MICU2: variants seen among roughly 807,000 people sequenced by gnomAD.
MICU2 encodes the protein mitochondrial calcium uptake 2.
In MICU2, 64 loss-of-function variants were observed where a neutral mutation model predicts 60.4. That is an observed-to-expected ratio of 1.06 (90% confidence interval 0.87 to 1.31). MICU2 has a LOEUF of 1.31. Ranked by LOEUF, MICU2 falls within the 50% of genes most tolerant of loss-of-function variation. The pLI is 0.00. For synonymous variants in MICU2, 201 were observed against 175.0 expected, an observed-to-expected ratio of 1.15 and a Z score of -1.17; for missense variants, 569 against 531.0, an observed-to-expected ratio of 1.07 and a Z score of -0.70.
intron 7 of MICU2, among the ~76,000 whole-genome samples, chr13:21,512,660 A>G (rs1291354284): frequency 6.6e-6 from 1 of 152,088 alleles, no homozygotes; most frequent in African/African-American, 2.4e-5. Flanking sequence ...CATGTTAGCC[A>G]GGATGGTCTC....
chr13:21,584,518 A>G (rs1225960405), intron 1 of MICU2, among the ~76,000 whole-genome samples: 3 of 152,178 alleles, frequency 2.0e-5, no homozygotes, highest in African/African-American at 4.8e-5. Context: ...AATGATATCC[A>G]TGTGGATAAA....
intron 4 of MICU2, among the ~76,000 whole-genome samples, chr13:21,537,938 C>T (rs910144216): frequency 6.6e-6 from 1 of 152,146 alleles, no homozygotes; most frequent in Non-Finnish European, 1.5e-5. Context: ...CTGATCCTTC[C>T]ACTCCTGTTC....
chr13:21,565,484 C>T lies in MICU2; in HGVS notation c.358+1313G>A, dbSNP rs569754892. ...CATCCTGGCAAACACAGTGAAACAC[C>T]GTCTCTATTAAAAAGTACAAAAAAT... On this transcript the variant is annotated intron_variant, in intron 2 of 11. Transcript: ENST00000382374. Among the ~76,000 whole-genome samples, 24 of 152,154 alleles carry T rather than the reference C, an allele frequency of 1.6e-4. 1 individual carries two copies. The East Asian group carries it at 4.1e-3, about 26-fold the overall frequency.
At chr13:21,521,765 C>A (rs1265998657) in intron 5 of MICU2, among the ~76,000 whole-genome samples, 1 of 152,176 alleles carries the variant, frequency 6.6e-6, no homozygotes. Context: ...TACAAAGAGT[C>A]CACAGAGTCC....
chr13:21,503,767 C>T (rs1593315087), intron 8 of MICU2, among the ~76,000 whole-genome samples: 1 of 152,136 alleles, frequency 6.6e-6, no homozygotes, highest in South Asian at 2.1e-4. Context: ...AACCCAGAAA[C>T]GTTGCACTTG....
chr13:21,501,292 T>G (rs1462982441), intron 9 of MICU2, among the ~76,000 whole-genome samples: 1 of 151,988 alleles, frequency 6.6e-6, no homozygotes, highest in Non-Finnish European at 1.5e-5. Context: ...ACACAGAGTC[T>G]TGCTCTGTCA....
intron 1 of MICU2, among the ~76,000 whole-genome samples, chr13:21,579,913 G>A (rs1175690700): frequency 5.3e-5 from 8 of 152,084 alleles, no homozygotes; most frequent in Non-Finnish European, 1.0e-4. Context: ...GTATAACGAC[G>A]GAAACCAAAC....
chr13:21,557,900 T>C (rs1164171918), intron 2 of MICU2, among the ~76,000 whole-genome samples: 7 of 152,224 alleles, frequency 4.6e-5, no homozygotes, highest in Non-Finnish European at 7.3e-5. Context: ...TTTTAGTTCT[T>C]TGAATATATT....
chr13:21,593,571 C>CAAAAAAAAAAAAAAAAAAAAA (rs71093338), intron 1 of MICU2, among the ~76,000 whole-genome samples: 1 of 63,030 alleles, frequency 1.6e-5, no homozygotes, highest in Non-Finnish European at 2.7e-5. Context: ...CAATCCTAAG[C>CAAAAAAAAAAAAAAAAAAAAA]AAAAAAAAAA....
At chr13:21,526,261 C>T (rs1886853689) in intron 4 of MICU2, among the ~76,000 whole-genome samples, 1 of 151,640 alleles carries the variant, frequency 6.6e-6, no homozygotes, top group Non-Finnish European at 1.5e-5. Flanking sequence ...GCTTTCCTGT[C>T]TCTTATGTCT....
chr13:21,523,594 C>T (rs1886779224), intron 4 of MICU2, among the ~76,000 whole-genome samples: 1 of 152,172 alleles, frequency 6.6e-6, no homozygotes, highest in South Asian at 2.1e-4. Flanking sequence ...TAGGATGACC[C>T]TACCTTTGCC....
chr13:21,597,137 C>T (rs907948336), intron 1 of MICU2, among the ~76,000 whole-genome samples: 4 of 152,132 alleles, frequency 2.6e-5, no homozygotes. Context: ...TATGTAGTCA[C>T]AGGTTAAATT....
intron 2 of MICU2, among the ~76,000 whole-genome samples, chr13:21,549,845 G>C (rs190221607): frequency 1.3e-5 from 2 of 152,198 alleles, no homozygotes; most frequent in East Asian, 1.9e-4. Flanking sequence ...CCTCAAGTGG[G>C]ACTTTAATAG....
intron 7 of MICU2, 126 bp downstream of exon 7, chr13:21,514,227 G>A: frequency 1.4e-6 from 1 of 716,164 alleles, no homozygotes; most frequent in Non-Finnish European, 2.3e-6. Context: ...GTTATGTGGT[G>A]CATGACTGTA....
chr13:21,538,463 C>T (rs112234524), intron 4 of MICU2, among the ~76,000 whole-genome samples: 3 of 149,138 alleles, frequency 2.0e-5, no homozygotes, highest in African/African-American at 7.3e-5. Context: ...TCCCAGCAGG[C>T]TGCAGCAGGA....
At chr13:21,587,623 T>G (rs532900117) in intron 1 of MICU2, among the ~76,000 whole-genome samples, 1 of 152,332 alleles carries the variant, frequency 6.6e-6, no homozygotes, top group East Asian at 1.9e-4. Flanking sequence ...ACGAATGGAT[T>G]ATAGATCGGA....
chr13:21,518,275 C>T (rs765341450), intron 6 of MICU2, among the ~76,000 whole-genome samples: 4 of 152,128 alleles, frequency 2.6e-5, no homozygotes, highest in Admixed American at 6.5e-5. Context: ...TGGTAAAAGG[C>T]GCATCAGTGT....
intron 7 of MICU2, among the ~76,000 whole-genome samples, chr13:21,511,520 A>C (rs718426): frequency 6.6e-6 from 1 of 152,002 alleles, no homozygotes. Context: ...TTCACACACA[A>C]TGGTAAGAAA....
rs9509792 is a variant in MICU2, at chr13:21,563,708, T to C, written c.358+3089A>G. Among the ~76,000 whole-genome samples, 995 of 152,324 alleles carry C rather than the reference T, an allele frequency of 6.5e-3. 5 individuals carry two copies. Among genetic ancestry groups the C allele is most frequent in the Non-Finnish European group, 0.01 (690 of 68,032 alleles). The stretch of plus-strand genomic sequence containing the variant: ...AATATTCTGTTTTTCTCAGTCTTTT[T>C]GTTCCTCTTTGCTTTTCAAGTTGGG... On this transcript the variant is annotated intron_variant, in intron 2 of 11. Transcript: ENST00000382374.
Sources: gnomAD v4.1 joint callset for allele counts (sites outside exome capture counted in the v4.1 genomes callset) on GRCh38, gnomAD v4.1.1 for gene constraint, MANE v1.5 for transcripts, NCBI Gene and HGNC (gene_info 2026-07-23, HGNC 2026-07-21) for gene names.